Variants in PACRG observed in about 807,000 individuals in gnomAD.
PACRG encodes the protein parkin coregulated.
In PACRG, 29 loss-of-function variants were observed where a neutral mutation model predicts 29.7. That is an observed-to-expected ratio of 0.98 (90% confidence interval 0.73 to 1.33). The LOEUF (loss-of-function observed/expected upper bound fraction) is 1.33, where lower values mean the gene tolerates loss of function less well. Among genes scored for constraint, PACRG ranks in the 40% most tolerant of loss-of-function variants. The probability of loss-of-function intolerance (pLI) is 0.00; values close to 1 mark genes in which losing one functional copy is unlikely to be tolerated. For synonymous variants in PACRG, 116 were observed against 118.7 expected (o/e 0.98, Z 0.15); for missense variants, 279 against 316.2 (o/e 0.88, Z 0.89).
At chr6:162,975,643 A>T (rs569786295) in intron 2 of PACRG, among the ~76,000 whole-genome samples, 1 of 152,230 alleles carries the variant, frequency 6.6e-6, no homozygotes, top group Admixed American at 6.5e-5. Flanking sequence ...TAGTTACCCA[A>T]TTCTGCTTCA....
intron 4 of PACRG, among the ~76,000 whole-genome samples, chr6:163,147,774 T>G (rs114602236): frequency 6.6e-6 from 1 of 152,312 alleles, no homozygotes; most frequent in African/African-American, 2.4e-5. Context: ...CCTTTCTTTT[T>G]GGGCACACTG....
intron 4 of PACRG, among the ~76,000 whole-genome samples, chr6:163,248,891 T>C (rs1562338363): frequency 1.3e-5 from 2 of 151,636 alleles, no homozygotes; most frequent in Non-Finnish European, 2.9e-5. Context: ...GTGGCAGGCG[T>C]CTGTTGGGAC....
At chr6:162,866,013 T>C (rs541697511) in intron 2 of PACRG, among the ~76,000 whole-genome samples, 124 of 152,318 alleles carry the variant, frequency 8.1e-4, no homozygotes, top group African/African-American at 2.7e-3. Context: ...ACAGAAATAT[T>C]AAATATGTTA....
At chr6:163,264,510 A>G (rs959150753) in intron 4 of PACRG, among the ~76,000 whole-genome samples, 3 of 152,234 alleles carry the variant, frequency 2.0e-5, no homozygotes, top group Admixed American at 6.5e-5. Context: ...AGTAGGTGCC[A>G]GCCGAAGTCG....
At chr6:162,928,073 T>C (rs574919061) in intron 2 of PACRG, among the ~76,000 whole-genome samples, 1 of 152,156 alleles carries the variant, frequency 6.6e-6, no homozygotes, top group Non-Finnish European at 1.5e-5. Context: ...TCCTCTTCAG[T>C]TTTTCAGAAT....
chr6:163,313,700 A>G (rs1187119489), intron 4 of PACRG: 2 of 152,200 alleles, frequency 1.3e-5, no homozygotes, highest in Non-Finnish European at 2.9e-5. Flanking sequence ...CCCTGGCCCC[A>G]TGGCACTCTC....
At chr6:163,046,629 T>C (rs1459096607) in intron 2 of PACRG, 1 of 152,104 alleles carries the variant, frequency 6.6e-6, no homozygotes, top group Non-Finnish European at 1.5e-5. Flanking sequence ...ACACCCAGGC[T>C]GCTCTCCACG....
At chr6:163,297,760 G>A (rs1784832268) in intron 4 of PACRG, among the ~76,000 whole-genome samples, 1 of 152,180 alleles carries the variant, frequency 6.6e-6, no homozygotes, top group Admixed American at 6.5e-5. Context: ...CCTGAGCGCT[G>A]CACCCAGAAG....
intron 4 of PACRG, among the ~76,000 whole-genome samples, chr6:163,137,359 G>A (rs1338474929): frequency 2.6e-5 from 4 of 151,578 alleles, no homozygotes; most frequent in African/African-American, 9.7e-5. Context: ...GCAACTCCCT[G>A]CCCTGCTTTA....
intron 2 of PACRG, among the ~76,000 whole-genome samples, chr6:163,057,486 G>A (rs1484897283): frequency 6.6e-6 from 1 of 152,056 alleles, no homozygotes; most frequent in Non-Finnish European, 1.5e-5. Flanking sequence ...CGCAATCTTG[G>A]CTCACTACAG....
intron 4 of PACRG, among the ~76,000 whole-genome samples, chr6:163,239,638 C>A (rs78881556): frequency 6.7e-6 from 1 of 150,078 alleles, no homozygotes. Context: ...CCTGCTCCCA[C>A]GGCTGCCCCA....
chr6:163,009,109 G>C (rs543104141), intron 2 of PACRG, among the ~76,000 whole-genome samples: 4 of 152,290 alleles, frequency 2.6e-5, no homozygotes, highest in African/African-American at 9.6e-5. Flanking sequence ...CTAAGAAACA[G>C]ACTAAAATGT....
At chr6:163,152,173 A>C (rs1258283694) in intron 4 of PACRG, among the ~76,000 whole-genome samples, 1 of 152,242 alleles carries the variant, frequency 6.6e-6, no homozygotes, top group East Asian at 1.9e-4. Flanking sequence ...TAATTAAGTA[A>C]AATATTGTGA....
intron 4 of PACRG, chr6:163,101,461 C>T (rs539698053): frequency 9.9e-6 from 9 of 912,006 alleles, no homozygotes; most frequent in Middle Eastern, 5.7e-4. Flanking sequence ...TAAACAATCA[C>T]CTAACCAAAT....
chr6:162,747,480 A>G lies in PACRG; in HGVS notation c.156+19089A>G, dbSNP rs1345428697. Among the ~76,000 whole-genome samples, 3 of 122,712 alleles carry G rather than the reference A, an allele frequency of 2.4e-5. 1 individual carries two copies. Among genetic ancestry groups the G allele is most frequent in the Admixed American group, 8.8e-5 (1 of 11,342 alleles). The allele number at this position is 122,712 out of a possible 152,430, so 80.5% of individuals were successfully genotyped here. ...TATAAATATATATGTAAAACTATATATATATATATATATTCCATTAGTTCT... is the reference window on the plus strand; with the variant it reads ...TATAAATATATATGTAAAACTATATGTATATATATATATTCCATTAGTTCT... On this transcript the variant is annotated intron_variant, in intron 1 of 4. Transcript: ENST00000366888.
chr6:163,308,021 G>A (rs2128192342), intron 4 of PACRG, among the ~76,000 whole-genome samples: 1 of 152,184 alleles, frequency 6.6e-6, no homozygotes, highest in Non-Finnish European at 1.5e-5. Flanking sequence ...TTCAGTCCAA[G>A]CTAACCCAAA....
chr6:163,030,015 A>G (rs1018188805), intron 2 of PACRG, among the ~76,000 whole-genome samples: 1 of 152,332 alleles, frequency 6.6e-6, no homozygotes, highest in South Asian at 2.1e-4. Context: ...ACTTCATACA[A>G]TGAGGAGGAA....
chr6:163,013,921 A>G (rs1257776717), intron 2 of PACRG, among the ~76,000 whole-genome samples: 2 of 151,508 alleles, frequency 1.3e-5, no homozygotes, highest in East Asian at 3.9e-4. Flanking sequence ...AAATAACATG[A>G]TAGAAGCATA....
rs908446296 is a variant in PACRG at position 163,079,277 on chromosome 6, G to A, written c.464-9982G>A. Among the ~76,000 whole-genome samples the A allele has an allele frequency of 1.2e-4, 18 of 151,940 alleles. 1 individual carries two copies. Among genetic ancestry groups the A allele is most frequent in the African/African-American group, 3.6e-4 (15 of 41,334 alleles). ...TTTGGATTCTATAACATTCATCCAA[G>A]TTACAGTAAAAACTTTAGATGGAAA... is the stretch of plus-strand genomic sequence containing the variant. On this transcript the variant is annotated intron_variant, in intron 3 of 4. Transcript: ENST00000366888.
Sources: allele counts gnomAD v4.1 joint callset (sites outside exome capture counted in the v4.1 genomes callset), GRCh38; gene constraint gnomAD v4.1.1; transcripts MANE v1.5; gene names NCBI Gene and HGNC (gene_info 2026-07-23, HGNC 2026-07-21).